The following STAT5B variants were observed in gnomAD, a reference collection of about 807,000 sequenced individuals.
STAT5B encodes transcription factor STAT5B.
Under a neutral mutation model 107.8 loss-of-function variants are expected in STAT5B, and 21 were observed. The observed-to-expected ratio is 0.19, with a 90% CI of 0.14 to 0.28. The LOEUF (loss-of-function observed/expected upper bound fraction) is 0.28, where lower values mean the gene tolerates loss of function less well. STAT5B is among the 10% of genes least tolerant of loss of function. STAT5B has a pLI of 1.00. For missense variants in STAT5B, 565 were observed against 1,008.2 expected (o/e 0.56, Z 5.95); for synonymous variants, 325 against 401.7 (o/e 0.81, Z 2.28).
At chr17:42,241,110 G>T (rs775211162) in intron 1 of STAT5B, among the ~76,000 whole-genome samples, 13 of 151,670 alleles carry the variant, frequency 8.6e-5, no homozygotes, top group Non-Finnish European at 1.8e-4. Flanking sequence ...AGGCAGAGGC[G>T]GGCAGATCAC....
chr17:42,264,797 T>C (rs1363589053), intron 1 of STAT5B, among the ~76,000 whole-genome samples: 8 of 138,888 alleles, frequency 5.8e-5, no homozygotes, highest in African/African-American at 8.1e-5. Context: ...ACTTCCACAA[T>C]GGTTGAACTA....
At chr17:42,265,291 T>C (rs2080658218) in intron 1 of STAT5B, among the ~76,000 whole-genome samples, 1 of 152,150 alleles carries the variant, frequency 6.6e-6, no homozygotes, top group South Asian at 2.1e-4. Context: ...CCCATGCCTA[T>C]TTGTACAAAT....
chr17:42,216,087 A>G lies in STAT5B; in HGVS notation c.1400T>C (p.Val467Ala). Residue 467 changes from valine (V) to alanine (A), a missense_variant, in exon 12 of 19, where the codon GTG (valine) becomes GCG (alanine). Physicochemically the swap from Val to Ala is moderately conservative, Grantham distance 64. This residue lies in a region of STAT5B where 127 missense variants were observed against 215.8 expected (regional missense o/e 0.59). Transcript: ENST00000293328. ...GTCCTGGCTGCCATGAACGATCACC[A>G]CCACTGGCAGGGACAGGGTCTAAAA... ...FQVKTLSLPV[V>A]VIVHGSQDNN... is the part of the protein sequence containing the mutation. The G allele has an allele frequency of 6.2e-7, 1 of 1,613,316 alleles. No homozygotes were observed. The highest frequency in any genetic ancestry group is 8.5e-7 in the Non-Finnish European group (1 of 1,179,798).
chr17:42,205,435 G>A (rs911962781), intron 16 of STAT5B, among the ~76,000 whole-genome samples: 1 of 152,106 alleles, frequency 6.6e-6, no homozygotes, highest in African/African-American at 2.4e-5. Context: ...GGAGTGTCCT[G>A]ACCTCAGTTC....
chr17:42,279,726 G>A (rs1390669321), upstream of STAT5B, among the ~76,000 whole-genome samples: 1 of 151,964 alleles, frequency 6.6e-6, no homozygotes, highest in Non-Finnish European at 1.5e-5. Flanking sequence ...ACTTGAAACT[G>A]GGAGGCGGAG....
chr17:42,200,380 TCCACTA>T lies in STAT5B; in HGVS notation c.*1352_*1357del. On this transcript the variant is annotated 3_prime_UTR_variant, in exon 19 of 19. Transcript: ENST00000293328. ...ATACACCTGCTCACCCCCCTCTTCCTCCACTACCTGCTGTAGCCCATTCCTTCCTTC... is the reference window on the plus strand; with the variant it reads ...ATACACCTGCTCACCCCCCTCTTCCTCCTGCTGTAGCCCATTCCTTCCTTC... 1 of 152,600 alleles carries T rather than the reference TCCACTA, an allele frequency of 6.6e-6. No individual in the cohort carries two copies. 9.5% of individuals were successfully genotyped at this position (152,600 alleles called of 1,614,324 possible). A position where few individuals can be genotyped will look rare whatever the true frequency, so the allele number is the denominator to read the frequency against.
intron 1 of STAT5B, among the ~76,000 whole-genome samples, chr17:42,273,627 T>A (rs1246847946): frequency 1.3e-5 from 2 of 152,246 alleles, no homozygotes; most frequent in Non-Finnish European, 2.9e-5. Context: ...GACATTTTTG[T>A]AGGGCACGAA....
At chr17:42,236,880 C>T (rs2080360902) in intron 1 of STAT5B, among the ~76,000 whole-genome samples, 1 of 152,200 alleles carries the variant, frequency 6.6e-6, no homozygotes, top group Non-Finnish European at 1.5e-5. Context: ...CGCTACTCTG[C>T]ATCTACAAAG....
intron 16 of STAT5B, among the ~76,000 whole-genome samples, chr17:42,205,766 A>G (rs2080079938): frequency 6.6e-6 from 1 of 152,084 alleles, no homozygotes; most frequent in Non-Finnish European, 1.5e-5. Flanking sequence ...ATAATTAACC[A>G]GGATTGGTGG....
intron 1 of STAT5B, chr17:42,275,000 T>C (rs1355648372): frequency 6.6e-6 from 1 of 152,220 alleles, no homozygotes; most frequent in East Asian, 1.9e-4. Flanking sequence ...GGGCATTCCC[T>C]GAGGACACTG....
chr17:42,268,814 T>C (rs752929373), intron 1 of STAT5B: 6 of 152,080 alleles, frequency 3.9e-5, no homozygotes, highest in Admixed American at 1.3e-4. Flanking sequence ...TTTAGAAACA[T>C]TAAACAAAAA....
intron 1 of STAT5B, among the ~76,000 whole-genome samples, chr17:42,274,125 A>G (rs1441248634): frequency 6.6e-6 from 1 of 152,154 alleles, no homozygotes; most frequent in African/African-American, 2.4e-5. Context: ...CAAAAAATAC[A>G]AGCACCGAAA....
rs2080191527 is a variant in STAT5B, at chr17:42,218,337, G to A, written c.990-7C>T. 6.2e-7 allele frequency: 1 copy of A among 1,612,106 alleles called. No individual in the cohort carries two copies. The highest frequency in any genetic ancestry group is 1.3e-5 in the African/African-American group (1 of 74,842). ...CTTCTCAATGATGAACGTGCTGCAG[G>A]GGACACAGGGACAGATGCATGATGA... On this transcript the variant is annotated splice_region_variant and splice_polypyrimidine_tract_variant and intron_variant, in intron 8 of 18. Transcript: ENST00000293328.
At chr17:42,252,485 T>C (rs1346724189) in intron 1 of STAT5B, among the ~76,000 whole-genome samples, 2 of 152,214 alleles carry the variant, frequency 1.3e-5, no homozygotes, top group Non-Finnish European at 2.9e-5. Flanking sequence ...CCCAATATAG[T>C]ACTTGATATA....
Position 42,202,352 on chromosome 17 carries a change from A to G in STAT5B, c.2225T>C (p.Met742Thr), listed in dbSNP as rs2080051897. Reference sequence around the variant, plus strand: ...GAATGCCACCTACTTCTGTGGGTACATGTTATAGTGAGCCTGGGGACACAC... The same window carrying G: ...GAATGCCACCTACTTCTGTGGGTACGTGTTATAGTGAGCCTGGGGACACAC... ...PAVCPQAHYN[M>T]YPQNPDSVLD... The change falls in exon 18 of 19, where the codon ATG (methionine) becomes ACG (threonine). Residue 742 changes from methionine (M) to threonine (T), a missense_variant. By Grantham distance (81) the Met-to-Thr change is moderately conservative. Transcript: ENST00000293328. 1.2e-6 allele frequency: 2 copies of G among 1,614,168 alleles called. No homozygotes were observed. Among genetic ancestry groups the G allele is most frequent in the Non-Finnish European group, 1.7e-6 (2 of 1,180,002 alleles).
chr17:42,207,491 AC>A, intron 16 of STAT5B, 66 bp downstream of exon 16: 2 of 320,780 alleles, frequency 6.2e-6, no homozygotes, highest in South Asian at 1.8e-4. Flanking sequence ...AGGTATGCAC[AC>A]ACACACACAC....
At chr17:42,246,464 A>T (rs1011525264) in intron 1 of STAT5B, among the ~76,000 whole-genome samples, 1 of 152,146 alleles carries the variant, frequency 6.6e-6, no homozygotes, top group Non-Finnish European at 1.5e-5. Context: ...TGTGTTTTCA[A>T]ATAGTGATTT....
intron 1 of STAT5B, among the ~76,000 whole-genome samples, chr17:42,239,595 T>C (rs2080385787): frequency 6.6e-6 from 1 of 152,320 alleles, no homozygotes; most frequent in Non-Finnish European, 1.5e-5. Flanking sequence ...TTATAACAAG[T>C]GCTTTTATGA....
intron 1 of STAT5B, among the ~76,000 whole-genome samples, chr17:42,233,245 AT>A (rs1249748007): frequency 6.6e-6 from 1 of 152,222 alleles, no homozygotes; most frequent in African/African-American, 2.4e-5. Context: ...AAGTGAAAAT[AT>A]CTGAAGTGTT....
Sources: gnomAD v4.1 joint callset for allele counts (sites outside exome capture counted in the v4.1 genomes callset) on GRCh38, gnomAD v4.1.1 for gene constraint, gnomAD v4.1.1 regional missense constraint, MANE v1.5 for transcripts, NCBI Gene and HGNC (gene_info 2026-07-23, HGNC 2026-07-21) for gene names.